ZNF831: variants seen among roughly 807,000 people sequenced by gnomAD.
ZNF831 encodes zinc finger protein 831.
In ZNF831, 59 loss-of-function variants were observed where a neutral mutation model predicts 95.8. The ratio of observed to expected loss-of-function variants is 0.62; its 90% CI spans 0.50 to 0.77. The LOEUF (loss-of-function observed/expected upper bound fraction) is 0.77. Ranked by LOEUF, ZNF831 falls within the 30% of genes least tolerant of loss-of-function variation. The probability of loss-of-function intolerance (pLI) is 0.00; values close to 1 mark genes in which losing one functional copy is unlikely to be tolerated. For synonymous variants in ZNF831, 961 were observed against 925.5 expected (o/e 1.04, Z -0.70); for missense variants, 2,205 against 2,164.0 (o/e 1.02, Z -0.38).
intron 4 of ZNF831, among the ~76,000 whole-genome samples, chr20:59,222,781 C>T (rs1344048119): frequency 6.6e-6 from 1 of 152,194 alleles, no homozygotes; most frequent in African/African-American, 2.4e-5. Flanking sequence ...GGCGGGCGGA[C>T]CCCAGACTCG....
chr20:59,194,647 C>A lies in ZNF831; in HGVS notation c.3628C>A (p.His1210Asn), dbSNP rs1174228636. 1 of 1,613,444 alleles carries A rather than the reference C, an allele frequency of 6.2e-7. No individual in the cohort carries two copies. The highest frequency in any genetic ancestry group is 1.3e-5 in the African/African-American group (1 of 74,938). ...GGCGGCATCTGTGTACTTGGCGGTG[C>A]ACTTTCCTGGTAGCAGCCTCCGAGA... The part of the protein sequence containing the change: ...AKAASVYLAV[H>N]FPGSSLRDEG... The change falls in exon 2 of 6, where the codon CAC becomes AAC. Residue 1210 changes from histidine to asparagine, a missense_variant. Transcript: ENST00000371030.
rs548885246 is a variant in ZNF831, at chr20:59,208,432, A to G, written c.4027+1376A>G. Reference sequence around the variant, plus strand: ...CTCGTTGGGCCGTCCTGTGACAGGCACAGGTGCCATCGATATCACCTCTGT... The same window carrying G: ...CTCGTTGGGCCGTCCTGTGACAGGCGCAGGTGCCATCGATATCACCTCTGT... On this transcript the variant is annotated intron_variant, in intron 4 of 5. Coordinates refer to ENST00000371030, the MANE Select transcript of ZNF831 (RefSeq NM_178457.3). This position sits in a 1 kb window ranked among gnomAD's most constrained non-coding sequence, Gnocchi z 4.2. Among the ~76,000 whole-genome samples the G allele has an allele frequency of 2.0e-5, 3 of 152,290 alleles. No individual in the cohort carries two copies. The highest frequency in any genetic ancestry group is 1.3e-4 in the Admixed American group (2 of 15,298).
At chr20:59,247,708 G>A (rs1987686892) in intron 4 of ZNF831, among the ~76,000 whole-genome samples, 1 of 152,146 alleles carries the variant, frequency 6.6e-6, no homozygotes, top group South Asian at 2.1e-4. Flanking sequence ...TGCTTAGAAG[G>A]TTGATTTTAT....
chr20:59,203,383 T>C (rs535379267), intron 3 of ZNF831, among the ~76,000 whole-genome samples: 12 of 152,280 alleles, frequency 7.9e-5, no homozygotes, highest in Admixed American at 3.9e-4. Context: ...ACAGGTGTGA[T>C]CATAGCACAC....
At chr20:59,131,832 C>T (rs888362594) in intron 1 of ZNF831, among the ~76,000 whole-genome samples, 1 of 152,212 alleles carries the variant, frequency 6.6e-6, no homozygotes, top group African/African-American at 2.4e-5. Context: ...CCAGGCATGG[C>T]CAGGTCTTTA....
At chr20:59,177,040 C>T (rs6100357) in intron 1 of ZNF831, among the ~76,000 whole-genome samples, 1 of 152,290 alleles carries the variant, frequency 6.6e-6, no homozygotes, top group Non-Finnish European at 1.5e-5. Context: ...CAGAGGTCAC[C>T]TTCCAAGTGG....
chr20:59,148,636 C>T (rs1332240781), intron 2 of ZNF831, among the ~76,000 whole-genome samples: 14 of 97,106 alleles, frequency 1.4e-4, no homozygotes, highest in Middle Eastern at 5.1e-3. Context: ...GTCGAGATCG[C>T]GCCACTGCAC....
At chr20:59,124,977 C>T (rs980254668) in intron 1 of ZNF831, among the ~76,000 whole-genome samples, 4 of 152,188 alleles carry the variant, frequency 2.6e-5, no homozygotes, top group African/African-American at 4.8e-5. Flanking sequence ...CAGTCTAGAG[C>T]GAGCAAGTAT....
chr20:59,143,323 A>G (rs1299504109), intron 1 of ZNF831, among the ~76,000 whole-genome samples: 1 of 152,246 alleles, frequency 6.6e-6, no homozygotes, highest in Admixed American at 6.5e-5. Context: ...TGAGTCTAAC[A>G]GGCTGGGCTT....
chr20:59,152,624 A>G (rs1303430302), intron 2 of ZNF831, among the ~76,000 whole-genome samples: 1 of 152,166 alleles, frequency 6.6e-6, no homozygotes, highest in African/African-American at 2.4e-5. Context: ...TGCAGCTGTG[A>G]TGAACTCTGG....
At chr20:59,148,768 T>C (rs540156234) in intron 2 of ZNF831, among the ~76,000 whole-genome samples, 7 of 141,298 alleles carry the variant, frequency 5.0e-5, no homozygotes, top group South Asian at 2.3e-4. Flanking sequence ...CTGGGTCTCA[T>C]GTCTTGAGGC....
intron 1 of ZNF831, among the ~76,000 whole-genome samples, chr20:59,184,996 C>T (rs1038955438): frequency 1.3e-5 from 2 of 152,152 alleles, no homozygotes; most frequent in Non-Finnish European, 2.9e-5. Context: ...AAGTTCCCTG[C>T]GTGTGGGAGC....
At position 59,191,481 on chromosome 20, in the gene ZNF831, G is replaced by C. The variant is rs2146548472; in HGVS notation, c.462G>C (p.Leu154=). ...GTCCGCACTGTGGTCGCGACTGCCTGAAGCCCAGTGTTCTAGAGAAGCACA... is the reference window on the plus strand; with the variant it reads ...GTCCGCACTGTGGTCGCGACTGCCTCAAGCCCAGTGTTCTAGAGAAGCACA... ...YLCPHCGRDC[L]KPSVLEKHIR... The change falls in exon 2 of 6, where the codon CTG becomes CTC. Residue 154 remains leucine, a synonymous_variant. Transcript: ENST00000371030. 6.2e-7 allele frequency: 1 copy of C among 1,613,104 alleles called. No homozygotes were observed. The highest frequency in any genetic ancestry group is 8.5e-7 in the Non-Finnish European group (1 of 1,180,010).
intron 1 of ZNF831, among the ~76,000 whole-genome samples, chr20:59,183,332 G>A (rs2146523489): frequency 6.6e-6 from 1 of 152,326 alleles, no homozygotes; most frequent in South Asian, 2.1e-4. Flanking sequence ...GGAGCATGTT[G>A]CTGCAGCCTT....
chr20:59,148,573 G>T (rs562156952), intron 2 of ZNF831, among the ~76,000 whole-genome samples: 2 of 136,334 alleles, frequency 1.5e-5, no homozygotes, highest in Non-Finnish European at 3.2e-5. Context: ...CCAGCTACAC[G>T]GGAGGCTGAG....
chr20:59,164,086 C>T lies in ZNF831; in HGVS notation c.-158C>T, dbSNP rs1981063104. Among the ~76,000 whole-genome samples the T allele has an allele frequency of 6.6e-6, 1 of 152,100 alleles. No individual in the cohort carries two copies. The highest frequency in any genetic ancestry group is 2.4e-5 in the African/African-American group (1 of 41,404). On this transcript the variant is annotated 5_prime_UTR_variant, in exon 1 of 6. Transcript: ENST00000371030. The stretch of plus-strand genomic sequence containing the variant: ...TGAGAGCACGGGCTCTTGAGCTCAT[C>T]TCTTCTCTGTGGGGCCAGCCCAGTG...
intron 4 of ZNF831, among the ~76,000 whole-genome samples, chr20:59,244,194 T>G (rs948569810): frequency 6.6e-6 from 1 of 152,126 alleles, no homozygotes; most frequent in Non-Finnish European, 1.5e-5. Context: ...AAAAACAGAT[T>G]TAAAACTATT....
chr20:59,175,986 T>A (rs1277070637), intron 1 of ZNF831, among the ~76,000 whole-genome samples: 2 of 152,230 alleles, frequency 1.3e-5, no homozygotes, highest in Non-Finnish European at 2.9e-5. Context: ...TGTTACCTCC[T>A]GGGAAGGATA....
At chr20:59,146,261 G>C (rs1979856482) in exon 2 of ZNF831, 1 of 151,058 alleles carries the variant, frequency 6.6e-6, no homozygotes, top group African/African-American at 2.4e-5. Flanking sequence ...AAGGCATAAA[G>C]AGAAGCAGAG....
Sources: gnomAD v4.1 joint callset for allele counts (sites outside exome capture counted in the v4.1 genomes callset) on GRCh38, gnomAD v4.1.1 for gene constraint, Gnocchi (gnomAD v3.1) non-coding constraint, MANE v1.5 for transcripts, NCBI Gene and HGNC (gene_info 2026-07-23, HGNC 2026-07-21) for gene names.